Variants in TOMM20L observed in about 807,000 individuals in gnomAD.
The protein encoded by TOMM20L is TOMM20-like protein 1.
TOMM20L carries 19 observed loss-of-function variants against 20.4 expected under a neutral mutation model. The ratio of observed to expected loss-of-function variants is 0.93; its 90% CI spans 0.65 to 1.36. The LOEUF is 1.36. Among genes scored for constraint, TOMM20L ranks in the 40% most tolerant of loss-of-function variants. The probability of loss-of-function intolerance (pLI) is 0.00; values close to 1 mark genes in which losing one functional copy is unlikely to be tolerated. For synonymous variants in TOMM20L, 75 were observed against 79.6 expected (o/e 0.94, Z 0.30); for missense variants, 218 against 203.7 (o/e 1.07, Z -0.43).
chr14:58,399,993 A>G (rs1203982128), intron 2 of TOMM20L, among the ~76,000 whole-genome samples: 1 of 141,654 alleles, frequency 7.1e-6, no homozygotes, highest in Non-Finnish European at 1.5e-5. Context: ...TACCCAGGTT[A>G]TTGTAATAGT....
At chr14:58,409,171 AGGAATGAAAAG>A, downstream of TOMM20L, 1 of 1,611,192 alleles carries the variant, frequency 6.2e-7, no homozygotes, top group Middle Eastern at 1.7e-4. Flanking sequence ...CAGGTGGTCT[AGGAATGAAAAG>A]GGAAGATCCA....
intron 3 of TOMM20L, among the ~76,000 whole-genome samples, chr14:58,403,694 C>G (rs181197844): frequency 2.0e-5 from 3 of 151,540 alleles, no homozygotes; most frequent in African/African-American, 4.9e-5. Flanking sequence ...AAAACTTAGC[C>G]GGGCATGGTG....
chr14:58,409,242 A>G (rs531530437), downstream of TOMM20L: 183 of 1,543,360 alleles, frequency 1.2e-4, 2 homozygotes, highest in South Asian at 2.1e-3. Context: ...ATTCTAAAAG[A>G]ATCAGTGGGG....
At chr14:58,414,753 A>AG in the TOMM20L span, among the ~76,000 whole-genome samples, 32 of 150,296 alleles carry the variant, frequency 2.1e-4, no homozygotes, top group Non-Finnish European at 4.1e-4. Flanking sequence ...AAAAAAAAAG[A>AG]AAAAAAAGAA....
intron 2 of TOMM20L, among the ~76,000 whole-genome samples, chr14:58,400,277 C>T (rs544168311): frequency 5.9e-5 from 9 of 151,788 alleles, no homozygotes; most frequent in South Asian, 2.1e-4. Context: ...TGGTGGCGCA[C>T]GCCTATAGTC....
At chr14:58,412,979 T>G (rs2140317888), downstream of TOMM20L, among the ~76,000 whole-genome samples, 1 of 152,272 alleles carries the variant, frequency 6.6e-6, no homozygotes, top group East Asian at 1.9e-4. Context: ...TAAAATTACT[T>G]AACTATTCCA....
At chr14:58,411,643 AT>A (rs1443568201), downstream of TOMM20L, among the ~76,000 whole-genome samples, 2 of 151,766 alleles carry the variant, frequency 1.3e-5, no homozygotes, top group African/African-American at 4.8e-5. Flanking sequence ...GGGTCAAGCA[AT>A]TCCTGTGCCT....
chr14:58,405,732 G>C (rs1485181823), intron 3 of TOMM20L, among the ~76,000 whole-genome samples: 1 of 152,092 alleles, frequency 6.6e-6, no homozygotes, highest in Non-Finnish European at 1.5e-5. Context: ...GTCTCGAACT[G>C]ACCTCAAGTG....
At chr14:58,416,325 A>C in the TOMM20L span, among the ~76,000 whole-genome samples, 3 of 152,220 alleles carry the variant, frequency 2.0e-5, no homozygotes, top group Non-Finnish European at 4.4e-5. Context: ...GTAGGGGTAA[A>C]ACCATTAGGA....
At chr14:58,399,083 G>A (rs950145781) in intron 2 of TOMM20L, among the ~76,000 whole-genome samples, 1 of 152,020 alleles carries the variant, frequency 6.6e-6, no homozygotes, top group African/African-American at 2.4e-5. Flanking sequence ...GATGGGTTTC[G>A]CAACATTGCC....
Position 58,403,172 on chromosome 14 carries a change from C to T in TOMM20L, c.262+411C>T, listed in dbSNP as rs368280077. 2.6e-5 allele frequency among the ~76,000 whole-genome samples: 4 copies of T among 152,168 alleles called. No homozygotes were observed. The East Asian group carries it at 7.7e-4, about 29-fold the overall frequency. On this transcript the variant is annotated intron_variant, in intron 3 of 4. Transcript: ENST00000360945. ...AACAGTTTGAGAACAGCCTGGGCAA[C>T]AAAGCAAGACCCTGTCTCTACAAAA...
At chr14:58,410,891 A>G (rs1176092913), downstream of TOMM20L, 2 of 1,613,578 alleles carry the variant, frequency 1.2e-6, no homozygotes, top group East Asian at 4.5e-5. Flanking sequence ...CACAGTCCAA[A>G]AAGCAGGTCT....
intron 4 of TOMM20L, 48 bp from the exon 5 acceptor site, chr14:58,408,481 A>G (rs748089200): frequency 4.6e-6 from 7 of 1,535,986 alleles, no homozygotes; most frequent in Admixed American, 1.7e-5. Context: ...CAAGAAAAGG[A>G]TCATGCATTG....
chr14:58,404,142 TTTTTG>T lies in TOMM20L; in HGVS notation c.262+1382_262+1386del, dbSNP rs1425452652. 7.5e-5 allele frequency among the ~76,000 whole-genome samples: 2 copies of T among 26,806 alleles called. 1 individual carries two copies. The highest frequency in any genetic ancestry group is 1.8e-4 in the Non-Finnish European group (2 of 11,250). The allele number at this position is 26,806 out of a possible 152,430, so 17.6% of individuals were successfully genotyped here. On this transcript the variant is annotated intron_variant, in intron 3 of 4. Coordinates refer to ENST00000360945, the MANE Select transcript of TOMM20L (RefSeq NM_207377.3). ...ATATTTTTTTTTTTTTTTTTTTTTTTTTTTGGAGACGGAGTCTCGCTCTGTCGCCC... is the reference window on the plus strand; with the variant it reads ...ATATTTTTTTTTTTTTTTTTTTTTTTGAGACGGAGTCTCGCTCTGTCGCCC...
downstream of TOMM20L, among the ~76,000 whole-genome samples, chr14:58,410,409 C>A (rs1452211396): frequency 6.6e-6 from 1 of 150,860 alleles, no homozygotes; most frequent in Non-Finnish European, 1.5e-5. Context: ...CAGAGCGAGA[C>A]CCTGTCTTAA....
At position 58,407,409 on chromosome 14, in the gene TOMM20L, C is replaced by T. The variant is rs772759735; in HGVS notation, c.346C>T (p.His116Tyr). 2.5e-6 allele frequency: 4 copies of T among 1,613,376 alleles called. No homozygotes were observed. Among genetic ancestry groups the T allele is most frequent in the Non-Finnish European group, 3.4e-6 (4 of 1,179,552 alleles). The part of the protein sequence containing the change: ...QPRELLKVFK[H>Y]TLPPKVFEML... ...ACGGGAACTTCTGAAAGTTTTCAAA[C>T]ACACTCTCCCTCCCAAGGTATTTGA... is the stretch of plus-strand genomic sequence containing the variant. The change falls in exon 4 of 5, where the codon CAC becomes TAC. Residue 116 changes from histidine to tyrosine, a missense_variant. His to Tyr is a moderately conservative substitution (Grantham distance 83, BLOSUM62 2). Coordinates refer to ENST00000360945, the MANE Select transcript of TOMM20L (RefSeq NM_207377.3).
chr14:58,416,315 G>A, the TOMM20L span, among the ~76,000 whole-genome samples: 6 of 152,180 alleles, frequency 3.9e-5, no homozygotes, highest in Non-Finnish European at 7.3e-5. Context: ...TATCTTGCCT[G>A]TAGGGGTAAA....
chr14:58,407,273 GTC>G, intron 3 of TOMM20L, 51 bp from the exon 4 acceptor site: 1 of 1,516,862 alleles, frequency 6.6e-7, no homozygotes, highest in South Asian at 1.3e-5. Context: ...TTTGTAGAAT[GTC>G]TGTTTTAAAG....
intron 4 of TOMM20L, among the ~76,000 whole-genome samples, chr14:58,407,957 C>T (rs1363901441): frequency 6.6e-6 from 1 of 152,164 alleles, no homozygotes; most frequent in Admixed American, 6.5e-5. Context: ...AAGACATTAA[C>T]TTTGGTTCCC....
Sources: gnomAD v4.1 joint callset for allele counts (sites outside exome capture counted in the v4.1 genomes callset) on GRCh38, gnomAD v4.1.1 for gene constraint, MANE v1.5 for transcripts, NCBI Gene and HGNC (gene_info 2026-07-23, HGNC 2026-07-21) for gene names.